PCDHGB6: variants seen among roughly 807,000 people sequenced by gnomAD.
PCDHGB6 encodes protocadherin gamma-B6.
PCDHGB6 carries 51 observed loss-of-function variants against 59.1 expected under a neutral mutation model. The observed-to-expected ratio is 0.86, with a 90% CI of 0.69 to 1.09. PCDHGB6 has a LOEUF of 1.09. Among genes scored for constraint, PCDHGB6 ranks in the 50% least tolerant of loss-of-function variants. The pLI, the probability that PCDHGB6 is intolerant of heterozygous loss-of-function variation, is 0.00. For missense variants in PCDHGB6, 1,148 were observed against 1,205.1 expected, an observed-to-expected ratio of 0.95 and a Z score of 0.70; for synonymous variants, 466 against 495.1, an observed-to-expected ratio of 0.94 and a Z score of 0.78.
rs1452602466 is a variant in PCDHGB6 at position 141,481,941 on chromosome 5, C to A, written c.2419-12866C>A. Among the ~76,000 whole-genome samples, 4 of 146,990 alleles carry A rather than the reference C, an allele frequency of 2.7e-5. No individual in the cohort carries two copies. The Admixed American group carries it at 2.7e-4, about 10-fold the overall frequency. On this transcript the variant is annotated intron_variant, in intron 1 of 3. Coordinates refer to ENST00000520790, the MANE Select transcript of PCDHGB6 (RefSeq NM_018926.3). ...AAAAAAAAAAAAAAAAAAAATCAGC[C>A]AGATGTGGTGGCAGGTGCCTGTAGT...
chr5:141,509,513 T>C (rs2099877131), intron 3 of PCDHGB6, among the ~76,000 whole-genome samples: 2 of 152,068 alleles, frequency 1.3e-5, no homozygotes, highest in Non-Finnish European at 2.9e-5. Flanking sequence ...ACGGTGTTGA[T>C]GATGTATTGC....
intron 3 of PCDHGB6, among the ~76,000 whole-genome samples, chr5:141,510,147 C>T (rs1416633745): frequency 1.3e-5 from 2 of 151,984 alleles, no homozygotes; most frequent in Non-Finnish European, 2.9e-5. Flanking sequence ...GTGGTGTGCA[C>T]CTGTAATCTC....
chr5:141,499,881 T>A (rs2099795027), intron 2 of PCDHGB6, among the ~76,000 whole-genome samples: 1 of 152,082 alleles, frequency 6.6e-6, no homozygotes, highest in African/African-American at 2.4e-5. Flanking sequence ...ACAAACAGGG[T>A]TTCGCCATGT....
At position 141,477,053 on chromosome 5, in the gene PCDHGB6, G is replaced by C; in HGVS notation, c.2419-17754G>C. ...GACAATCAAGGGTCGGCTGGACTTC[G>C]AGGACACCAAACTCCATGAGATTTA... On this transcript the variant is annotated intron_variant, in intron 1 of 3. Coordinates refer to ENST00000520790, the MANE Select transcript of PCDHGB6 (RefSeq NM_018926.3). This position sits in a 1 kb window ranked among gnomAD's most constrained non-coding sequence, Gnocchi z 4.9. The C allele has an allele frequency of 6.2e-7, 1 of 1,614,230 alleles. No homozygotes were observed. Among genetic ancestry groups the C allele is most frequent in the Non-Finnish European group, 8.5e-7 (1 of 1,180,032 alleles).
intron 1 of PCDHGB6, among the ~76,000 whole-genome samples, chr5:141,437,228 A>C (rs1410620126): frequency 6.6e-6 from 1 of 152,228 alleles, no homozygotes; most frequent in Non-Finnish European, 1.5e-5. Context: ...CCAGTCATAA[A>C]ATTATGTCAA....
At chr5:141,426,657 A>G (rs1369635444) in intron 1 of PCDHGB6, 2 of 425,278 alleles carry the variant, frequency 4.7e-6, no homozygotes, top group Non-Finnish European at 9.7e-6. Flanking sequence ...GATAGAAGAT[A>G]TAAATGATAA....
chr5:141,503,671 A>G (rs1028896082), intron 2 of PCDHGB6, among the ~76,000 whole-genome samples: 2 of 151,950 alleles, frequency 1.3e-5, no homozygotes, highest in Non-Finnish European at 2.9e-5. Flanking sequence ...AACTCTTCCC[A>G]CTTTTGGGAA....
chr5:141,432,386 A>C lies in PCDHGB6; in HGVS notation c.2418+21766A>C. 1 of 1,614,204 alleles carries C rather than the reference A, an allele frequency of 6.2e-7. No homozygotes were observed. Among genetic ancestry groups the C allele is most frequent in the Non-Finnish European group, 8.5e-7 (1 of 1,180,032 alleles). ...GCGGGACAACGGGCACCCGCCCCTC[A>C]GCAGCAACGTGTCGTTGAGCCTGTT... On this transcript the variant is annotated intron_variant, in intron 1 of 3. Transcript: ENST00000520790. This position sits in a 1 kb window ranked among gnomAD's most constrained non-coding sequence, Gnocchi z 6.0.
At position 141,431,433 on chromosome 5, in the gene PCDHGB6, C is replaced by T; in HGVS notation, c.2418+20813C>T. ...GGGGGCGACCCGGTGCGCACAGGCA[C>T]CGCGCGCATCCGCGTGATGGTTCTG... On this transcript the variant is annotated intron_variant, in intron 1 of 3. Transcript: ENST00000520790. This position sits in a 1 kb window ranked among gnomAD's most constrained non-coding sequence, Gnocchi z 4.8. 1.9e-6 allele frequency: 3 copies of T among 1,613,716 alleles called. No homozygotes were observed. The highest frequency in any genetic ancestry group is 2.5e-6 in the Non-Finnish European group (3 of 1,180,028).
chr5:141,506,380 TG>T (rs2099852860), intron 3 of PCDHGB6, among the ~76,000 whole-genome samples: 1 of 141,314 alleles, frequency 7.1e-6, no homozygotes, highest in Non-Finnish European at 1.5e-5. Flanking sequence ...ACCTGGGAGG[TG>T]GCTGTGGTGA....
rs1018272442 is a variant in PCDHGB6 at position 141,419,770 on chromosome 5, G to T, written c.2418+9150G>T. The stretch of plus-strand genomic sequence containing the variant: ...TGCGTGCTTTGGGTGACAAGGACTC[G>T]GTCCGCCAGCGCCTGCTAGTCGCTG... On this transcript the variant is annotated intron_variant, in intron 1 of 3. Transcript: ENST00000520790. 6.2e-6 allele frequency: 10 copies of T among 1,613,888 alleles called. No homozygotes were observed. The African/African-American group carries it at 1.2e-4, about 19-fold the overall frequency.
intron 1 of PCDHGB6, among the ~76,000 whole-genome samples, chr5:141,461,985 G>C (rs894777268): frequency 2.6e-5 from 4 of 152,170 alleles, no homozygotes; most frequent in Non-Finnish European, 5.9e-5. Flanking sequence ...CACCACGCCA[G>C]GCTAATTTTG....
Position 141,409,922 on chromosome 5 carries a change from T to C in PCDHGB6, c.1720T>C (p.Phe574Leu), listed in dbSNP as rs752487198. 1.2e-6 allele frequency: 2 copies of C among 1,613,182 alleles called. No individual in the cohort carries two copies. Among genetic ancestry groups the C allele is most frequent in the African/African-American group, 2.7e-5 (2 of 74,902 alleles). ...YPALGPDGSA[F>L]FDMVPRSAEP... The stretch of plus-strand genomic sequence containing the variant: ...AGCTCTGGGTCCTGACGGCTCCGCG[T>C]TCTTCGATATGGTACCTCGCTCTGC... Residue 574 changes from phenylalanine (F) to leucine (L), a missense_variant, in exon 1 of 4, where the codon TTC becomes CTC. Phe to Leu is a conservative substitution (Grantham distance 22). Transcript: ENST00000520790.
At position 141,427,625 on chromosome 5, in the gene PCDHGB6, T is replaced by G. The variant is rs150347956; in HGVS notation, c.2418+17005T>G. On this transcript the variant is annotated intron_variant, in intron 1 of 3. Coordinates refer to ENST00000520790, the MANE Select transcript of PCDHGB6 (RefSeq NM_018926.3). Reference sequence around the variant, plus strand: ...GCATTGGTGAAGTCAACGACAATGCTCCGGTTTTCCACCAAGTCTCCTACG... The same window carrying G: ...GCATTGGTGAAGTCAACGACAATGCGCCGGTTTTCCACCAAGTCTCCTACG... The G allele has an allele frequency of 2.7e-3, 1,907 of 699,068 alleles. 5 individuals are homozygous for G. The highest frequency in any genetic ancestry group is 4.1e-3 in the Non-Finnish European group (1,558 of 384,098). The allele number at this position is 699,068 out of a possible 1,614,324, so 43.3% of individuals were successfully genotyped here.
chr5:141,408,319 G>T lies in PCDHGB6; in HGVS notation c.117G>T (p.Glu39Asp). 6.2e-7 allele frequency: 1 copy of T among 1,613,896 alleles called. No homozygotes were observed. The highest frequency in any genetic ancestry group is 8.5e-7 in the Non-Finnish European group (1 of 1,179,758). ...AGCCGATCCGCTACTCGATTCCGGA[G>T]GAGCTGGCCAAGGGCTCGGTGGTGG... ...LSEPIRYSIP[E>D]ELAKGSVVGN... The change falls in exon 1 of 4, where the codon GAG (glutamate) becomes GAT (aspartate). Residue 39 changes from glutamate (E) to aspartate (D), a missense_variant. This residue lies in a region of PCDHGB6 where 307 missense variants were observed against 323.8 expected (regional missense o/e 0.95). Coordinates refer to ENST00000520790, the MANE Select transcript of PCDHGB6 (RefSeq NM_018926.3).
intron 1 of PCDHGB6, chr5:141,421,577 T>C (rs1385519860): frequency 1.4e-5 from 22 of 1,613,748 alleles, no homozygotes; most frequent in Non-Finnish European, 1.5e-5. Context: ...ACCTTGAAGA[T>C]TTACGGAGTG....
intron 1 of PCDHGB6, chr5:141,418,513 G>T (rs377653202): frequency 1.1e-4 from 173 of 1,613,842 alleles, no homozygotes; most frequent in Non-Finnish European, 1.2e-4. Flanking sequence ...TAGATGGTGG[G>T]GACCCTCCCC....
At chr5:141,506,247 G>A (rs113270457) in intron 3 of PCDHGB6, among the ~76,000 whole-genome samples, 8,033 of 152,078 alleles carry the variant, frequency 0.053, 470 homozygotes, top group African/African-American at 0.14. Flanking sequence ...TCAGGAGTTC[G>A]AAACCGGCCT....
chr5:141,434,727 A>C (rs1344107083), intron 1 of PCDHGB6, among the ~76,000 whole-genome samples: 1 of 152,052 alleles, frequency 6.6e-6, no homozygotes. Context: ...CAGGGCTCTC[A>C]GCTCTGAAGG....
Sources: gnomAD v4.1 joint callset for allele counts (sites outside exome capture counted in the v4.1 genomes callset) on GRCh38, gnomAD v4.1.1 for gene constraint, gnomAD v4.1.1 regional missense constraint, Gnocchi (gnomAD v3.1) non-coding constraint, MANE v1.5 for transcripts, NCBI Gene and HGNC (gene_info 2026-07-23, HGNC 2026-07-21) for gene names.